Variants in CACNA1B observed in about 807,000 individuals in gnomAD.
The protein encoded by CACNA1B is calcium voltage-gated channel subunit alpha1 B.
A neutral mutation model predicts 247.2 loss-of-function variants in CACNA1B; 70 were observed. The observed-to-expected ratio is 0.28, with a 90% CI of 0.23 to 0.35. The LOEUF is 0.35. Ranked by LOEUF, CACNA1B falls within the 10% of genes least tolerant of loss-of-function variation. The pLI is 1.00. For missense variants in CACNA1B, 2,367 were observed against 3,197.4 expected (o/e 0.74, Z 6.26); for synonymous variants, 1,231 against 1,294.4 (o/e 0.95, Z 1.05).
At chr9:137,922,401 G>A (rs555739495) in intron 6 of CACNA1B, among the ~76,000 whole-genome samples, 143 of 152,352 alleles carry the variant, frequency 9.4e-4, no homozygotes, top group South Asian at 5.6e-3. Flanking sequence ...ACACCACACA[G>A]CATCCTGGGA....
Position 138,002,985 on chromosome 9 carries a change from G to A in CACNA1B, c.1975-3782G>A, listed in dbSNP as rs529388669. ...CCAGCTAATTTTTGTATTTTTAGTA[G>A]ACAGGGTTTCACTGTGTTGGCCAGG... On this transcript the variant is annotated intron_variant, in intron 15 of 46. Coordinates refer to ENST00000371372, the MANE Select transcript of CACNA1B (RefSeq NM_000718.4). Among the ~76,000 whole-genome samples the A allele has an allele frequency of 2.2e-3, 330 of 151,750 alleles. 2 individuals are homozygous for A. Among genetic ancestry groups the A allele is most frequent in the African/African-American group, 7.6e-3 (317 of 41,462 alleles).
intron 19 of CACNA1B, 86 bp downstream of exon 19, chr9:138,023,897 A>C (rs891672934): frequency 1.7e-5 from 12 of 693,322 alleles, no homozygotes; most frequent in Non-Finnish European, 2.8e-5. Context: ...CATGGGGTCC[A>C]CGGCGGAGGC....
In CACNA1B at chr9:138,023,801, C is replaced by T; in HGVS notation, c.3058C>T (p.His1020Tyr). 3 of 1,415,346 alleles carry T rather than the reference C, an allele frequency of 2.1e-6. No homozygotes were observed. Among genetic ancestry groups the T allele is most frequent in the East Asian group, 5.0e-5 (2 of 40,074 alleles). 87.7% of individuals were successfully genotyped at this position (1,415,346 alleles called of 1,614,324 possible). ...CGACAAGGAAAAGGAGCTCCGGAAC[C>T]ACCAGCCCCGGTGAGTCCGCGGCTG... ...EADKEKELRN[H>Y]QPREPHCDLE... Residue 1020 changes from histidine to tyrosine, a missense_variant, in exon 19 of 47, where the codon CAC (histidine) becomes TAC (tyrosine). This residue lies in a region of CACNA1B where 631 missense variants were observed against 631.1 expected (regional missense o/e 1.00). Coordinates refer to ENST00000371372, the MANE Select transcript of CACNA1B (RefSeq NM_000718.4).
At position 138,046,885 on chromosome 9, in the gene CACNA1B, T is replaced by C. The variant is rs374183594; in HGVS notation, c.3414-19T>C. 45 of 1,611,106 alleles carry C rather than the reference T, an allele frequency of 2.8e-5. No homozygotes were observed. The highest frequency in any genetic ancestry group is 3.3e-5 in the Admixed American group (2 of 59,916). ...GCCCGGCTGGGGGGCCTTGTGGTGATCCGTGCCTTCCCTCACAGGCTCCGC... is the reference window on the plus strand; with the variant it reads ...GCCCGGCTGGGGGGCCTTGTGGTGACCCGTGCCTTCCCTCACAGGCTCCGC... On this transcript the variant is annotated intron_variant, in intron 21 of 46. Coordinates refer to ENST00000371372, the MANE Select transcript of CACNA1B (RefSeq NM_000718.4).
In CACNA1B at chr9:138,058,489, C is replaced by T. The variant is rs943320635; in HGVS notation, c.4309-80C>T. On this transcript the variant is annotated intron_variant, in intron 28 of 46. Coordinates refer to ENST00000371372, the MANE Select transcript of CACNA1B (RefSeq NM_000718.4). The surrounding 1 kb of genome is among the most constrained non-coding windows in gnomAD (Gnocchi z 4.7). ...TGTCAGGGCTCCCTGTGAGGCCTGG[C>T]GAGACAGGGCTGGGTGCAGTAGATG... The T allele has an allele frequency of 3.4e-5, 45 of 1,327,476 alleles. No individual in the cohort carries two copies. Among genetic ancestry groups the T allele is most frequent in the Non-Finnish European group, 4.5e-5 (43 of 960,636 alleles). 82.2% of individuals were successfully genotyped at this position (1,327,476 alleles called of 1,614,324 possible).
chr9:138,031,091 C>G (rs984044263), intron 20 of CACNA1B, among the ~76,000 whole-genome samples: 20 of 151,958 alleles, frequency 1.3e-4, no homozygotes, highest in African/African-American at 4.6e-4. Context: ...TTGCTTTGGG[C>G]TTCTTTTGCT....
At chr9:138,055,285 A>G (rs1959454350) in intron 26 of CACNA1B, among the ~76,000 whole-genome samples, 1 of 151,818 alleles carries the variant, frequency 6.6e-6, no homozygotes, top group South Asian at 2.1e-4. Flanking sequence ...ACGTGCCACC[A>G]TGCTTGGCTA....
chr9:138,046,531 G>A (rs1589092818), intron 21 of CACNA1B, among the ~76,000 whole-genome samples: 1 of 152,258 alleles, frequency 6.6e-6, no homozygotes, highest in Non-Finnish European at 1.5e-5. Flanking sequence ...AGTTGATGCT[G>A]TTGGCTTTGG....
intron 10 of CACNA1B, among the ~76,000 whole-genome samples, chr9:137,962,042 T>C (rs900939211): frequency 2.0e-5 from 3 of 152,214 alleles, no homozygotes; most frequent in Non-Finnish European, 2.9e-5. Flanking sequence ...TATTTATTAC[T>C]GCCTCAATTT....
chr9:137,923,197 G>T (rs1038960557), intron 6 of CACNA1B, among the ~76,000 whole-genome samples: 1 of 147,278 alleles, frequency 6.8e-6, no homozygotes, highest in Non-Finnish European at 1.5e-5. Context: ...GTGGTATTCC[G>T]TGGTGCCAGG....
At chr9:137,923,267 GTGGTATT>G (rs1304600847) in intron 6 of CACNA1B, among the ~76,000 whole-genome samples, 40 of 146,990 alleles carry the variant, frequency 2.7e-4, no homozygotes, top group Middle Eastern at 3.6e-3. Context: ...GTGGTGCCAG[GTGGTATT>G]CCATGGTGCC....
rs1475175401 is a variant in CACNA1B, at chr9:137,938,920, A to G, written c.967-13354A>G. Reference sequence around the variant, plus strand: ...AAACCCTGTCTCTACTAAAAATACAAAATAGCCAGGTGTGGTGGCAGGCTC... The same window carrying G: ...AAACCCTGTCTCTACTAAAAATACAGAATAGCCAGGTGTGGTGGCAGGCTC... On this transcript the variant is annotated intron_variant, in intron 6 of 46. Transcript: ENST00000371372. 2.0e-5 allele frequency among the ~76,000 whole-genome samples: 3 copies of G among 152,150 alleles called. No homozygotes were observed. In the East Asian group the frequency reaches 5.8e-4, roughly 29 times the overall value.
At chr9:138,099,235 A>G (rs981835402) in intron 37 of CACNA1B, among the ~76,000 whole-genome samples, 10 of 152,252 alleles carry the variant, frequency 6.6e-5, no homozygotes, top group Admixed American at 4.6e-4. Flanking sequence ...TTGTGCACGC[A>G]TGCACACAGA....
chr9:137,987,158 CT>C (rs1297787922), intron 15 of CACNA1B, among the ~76,000 whole-genome samples: 7 of 152,196 alleles, frequency 4.6e-5, no homozygotes, highest in African/African-American at 1.7e-4. Context: ...CTCTTAGCTC[CT>C]GAGACTTGCA....
chr9:138,117,452 CAT>C (rs1961913860), intron 42 of CACNA1B, among the ~76,000 whole-genome samples: 1 of 152,216 alleles, frequency 6.6e-6, no homozygotes, highest in Non-Finnish European at 1.5e-5. Flanking sequence ...CTGTCCTCTC[CAT>C]GACAGCTTCT....
intron 6 of CACNA1B, among the ~76,000 whole-genome samples, chr9:137,949,499 A>ATGTGTGTGATGTGTGTC (rs573520500): frequency 2.1e-5 from 3 of 145,862 alleles, no homozygotes; most frequent in Non-Finnish European, 4.5e-5. Context: ...TGTGTGGTGC[A>ATGTGTGTGATGTGTGTC]TGTGTGTGAT....
chr9:137,980,215 T>G (rs893726987), intron 12 of CACNA1B, among the ~76,000 whole-genome samples: 1 of 152,272 alleles, frequency 6.6e-6, no homozygotes, highest in African/African-American at 2.4e-5. Flanking sequence ...TATGGATATG[T>G]TGTGAAGCTT....
intron 6 of CACNA1B, among the ~76,000 whole-genome samples, chr9:137,920,656 G>A (rs1439022418): frequency 6.6e-6 from 1 of 152,252 alleles, no homozygotes; most frequent in Non-Finnish European, 1.5e-5. Context: ...TGGAGGCGCA[G>A]TGGAGGTAAA....
At chr9:137,937,023 C>T (rs565087646) in intron 6 of CACNA1B, among the ~76,000 whole-genome samples, 20 of 152,248 alleles carry the variant, frequency 1.3e-4, no homozygotes, top group African/African-American at 4.3e-4. Flanking sequence ...TGGAGAAAGT[C>T]ATTGGTAGCT....
Sources: gnomAD v4.1 joint callset for allele counts (sites outside exome capture counted in the v4.1 genomes callset) on GRCh38, gnomAD v4.1.1 for gene constraint, gnomAD v4.1.1 regional missense constraint, Gnocchi (gnomAD v3.1) non-coding constraint, MANE v1.5 for transcripts, NCBI Gene and HGNC (gene_info 2026-07-23, HGNC 2026-07-21) for gene names.